The following MPPED2 variants were observed in gnomAD, a reference collection of about 807,000 sequenced individuals.
MPPED2 encodes the protein metallophosphoesterase domain containing 2.
A neutral mutation model predicts 33.0 loss-of-function variants in MPPED2; 5 were observed. That is an observed-to-expected ratio of 0.15 (90% confidence interval 0.08 to 0.32). The LOEUF (loss-of-function observed/expected upper bound fraction) is 0.32. MPPED2 is among the 10% of genes least tolerant of loss of function. The probability of loss-of-function intolerance (pLI) is 1.00; values close to 1 mark genes in which losing one functional copy is unlikely to be tolerated. For missense variants in MPPED2, 275 were observed against 372.1 expected (o/e 0.74, Z 2.15); for synonymous variants, 136 against 141.9 (o/e 0.96, Z 0.29).
chr11:30,418,994 T>C (rs988039597), intron 4 of MPPED2, among the ~76,000 whole-genome samples: 6 of 152,202 alleles, frequency 3.9e-5, no homozygotes, highest in African/African-American at 1.4e-4. Context: ...TGTGTAGCCC[T>C]AGCCAGAAAA....
At chr11:30,562,914 C>T (rs1310138001) in intron 2 of MPPED2, among the ~76,000 whole-genome samples, 1 of 152,122 alleles carries the variant, frequency 6.6e-6, no homozygotes, top group East Asian at 1.9e-4. Context: ...ACAGGCAAGA[C>T]ACGCTAGCAG....
rs1383887781 is a variant in MPPED2 at position 30,410,698 on chromosome 11, C to G, written c.*770G>C. On this transcript the variant is annotated 3_prime_UTR_variant, in exon 7 of 7. Coordinates refer to ENST00000358117, the MANE Select transcript of MPPED2 (RefSeq NM_001584.3). ...ATAAACTCCTAACGTAGTCATAATACACAAAAAATACTTATATATATAAAC... is the reference window on the plus strand; with the variant it reads ...ATAAACTCCTAACGTAGTCATAATAGACAAAAAATACTTATATATATAAAC... 1.0e-6 allele frequency: 1 copy of G among 984,558 alleles called. No individual in the cohort carries two copies. The highest frequency in any genetic ancestry group is 1.2e-6 in the Non-Finnish European group (1 of 828,780). 61.0% of individuals were successfully genotyped at this position (984,558 alleles called of 1,614,324 possible). A position where few individuals can be genotyped will look rare whatever the true frequency, so the allele number is the denominator to read the frequency against.
intron 3 of MPPED2, among the ~76,000 whole-genome samples, chr11:30,524,776 G>A (rs1314570383): frequency 6.6e-6 from 1 of 152,144 alleles, no homozygotes; most frequent in African/African-American, 2.4e-5. Context: ...TAATGGTACT[G>A]TGAGTCAAAA....
intron 4 of MPPED2, among the ~76,000 whole-genome samples, chr11:30,493,523 TTAAG>T (rs907634240): frequency 3.9e-5 from 6 of 152,060 alleles, no homozygotes; most frequent in Non-Finnish European, 8.8e-5. Context: ...CTTTTCTGTA[TTAAG>T]TGAGTAAAGG....
intron 3 of MPPED2, among the ~76,000 whole-genome samples, chr11:30,510,057 C>A (rs1308429455): frequency 1.3e-5 from 2 of 152,206 alleles, no homozygotes; most frequent in Non-Finnish European, 2.9e-5. Flanking sequence ...TCATCTGCCA[C>A]TACCAGCAAG....
At chr11:30,485,791 G>A (rs1053244180) in intron 4 of MPPED2, among the ~76,000 whole-genome samples, 6 of 152,166 alleles carry the variant, frequency 3.9e-5, no homozygotes, top group African/African-American at 1.2e-4. Context: ...CTACAAGCCC[G>A]ACCAAGCCTC....
chr11:30,569,322 A>G (rs1460662669), intron 2 of MPPED2, among the ~76,000 whole-genome samples: 1 of 152,202 alleles, frequency 6.6e-6, no homozygotes, highest in Non-Finnish European at 1.5e-5. Flanking sequence ...AGGATACCCA[A>G]GCCTTTACAT....
At chr11:30,545,682 G>T (rs1955379261) in intron 2 of MPPED2, among the ~76,000 whole-genome samples, 1 of 152,094 alleles carries the variant, frequency 6.6e-6, no homozygotes, top group African/African-American at 2.4e-5. Context: ...AAGACACTGA[G>T]ACTCAGATTA....
chr11:30,387,064 G>A (rs557813803), exon 7 of MPPED2: 227 of 305,234 alleles, frequency 7.4e-4, no homozygotes, highest in Non-Finnish European at 9.9e-4. Flanking sequence ...CAGCGTGCAC[G>A]CATATAAGCA....
chr11:30,406,306 T>A (rs1210728774), downstream of MPPED2, among the ~76,000 whole-genome samples: 2 of 152,204 alleles, frequency 1.3e-5, no homozygotes, highest in Admixed American at 6.5e-5. Context: ...TATTTCTGAA[T>A]GTCAAGCTGA....
chr11:30,441,739 C>CT (rs535624042), intron 4 of MPPED2, among the ~76,000 whole-genome samples: 53 of 151,296 alleles, frequency 3.5e-4, no homozygotes, highest in South Asian at 1.9e-3. Flanking sequence ...TCTCTTGCCC[C>CT]TTTTTTTTTG....
chr11:30,566,602 C>A (rs1956452939), intron 2 of MPPED2, among the ~76,000 whole-genome samples: 2 of 152,182 alleles, frequency 1.3e-5, no homozygotes, highest in African/African-American at 4.8e-5. Context: ...GCACTCACTT[C>A]CTGGGGAAGC....
At chr11:30,454,549 T>C (rs1205895713) in intron 4 of MPPED2, among the ~76,000 whole-genome samples, 1 of 145,012 alleles carries the variant, frequency 6.9e-6, no homozygotes, top group Non-Finnish European at 1.6e-5. Context: ...TTGAAAGTCA[T>C]GACCTAGTTT....
At chr11:30,553,634 C>T (rs1955827746) in intron 2 of MPPED2, among the ~76,000 whole-genome samples, 1 of 152,084 alleles carries the variant, frequency 6.6e-6, no homozygotes, top group Non-Finnish European at 1.5e-5. Context: ...GATTGAGAAA[C>T]AGGAAAGAAA....
At chr11:30,480,017 T>C (rs986488037) in intron 4 of MPPED2, among the ~76,000 whole-genome samples, 10 of 152,148 alleles carry the variant, frequency 6.6e-5, no homozygotes. Context: ...AAAGGAATCA[T>C]GTCTGGACTG....
chr11:30,425,977 A>C (rs1173612046), intron 4 of MPPED2, among the ~76,000 whole-genome samples: 1 of 152,230 alleles, frequency 6.6e-6, no homozygotes, highest in Non-Finnish European at 1.5e-5. Flanking sequence ...TAAAATATAC[A>C]TAACACAAAA....
chr11:30,461,337 C>T (rs1950510698), intron 4 of MPPED2, among the ~76,000 whole-genome samples: 1 of 152,030 alleles, frequency 6.6e-6, no homozygotes, highest in Non-Finnish European at 1.5e-5. Context: ...TGCCACTGAA[C>T]TGTACACTTA....
chr11:30,449,834 A>T (rs1428897641), intron 4 of MPPED2, among the ~76,000 whole-genome samples: 1 of 152,172 alleles, frequency 6.6e-6, no homozygotes, highest in Non-Finnish European at 1.5e-5. Context: ...AACAGACCTT[A>T]CTAAAATTAC....
intron 6 of MPPED2, among the ~76,000 whole-genome samples, chr11:30,391,199 C>T (rs1326521543): frequency 1.3e-5 from 2 of 152,114 alleles, no homozygotes; most frequent in Non-Finnish European, 2.9e-5. Context: ...TGGCTTTGGG[C>T]CCCAACTCCC....
Sources: gnomAD v4.1 joint callset for allele counts (sites outside exome capture counted in the v4.1 genomes callset) on GRCh38, gnomAD v4.1.1 for gene constraint, MANE v1.5 for transcripts, NCBI Gene and HGNC (gene_info 2026-07-23, HGNC 2026-07-21) for gene names.